The following GALNTL6 variants were observed in gnomAD, a reference collection of about 807,000 sequenced individuals.
GALNTL6 encodes the protein polypeptide N-acetylgalactosaminyltransferase-like 6.
In GALNTL6, 46 loss-of-function variants were observed where a neutral mutation model predicts 73.7. That is an observed-to-expected ratio of 0.62 (90% CI 0.49 to 0.80). GALNTL6 has a LOEUF of 0.80. Ranked by LOEUF, GALNTL6 falls within the 30% of genes least tolerant of loss-of-function variation. GALNTL6 has a pLI of 0.00. For synonymous variants in GALNTL6, 259 were observed against 263.7 expected, an observed-to-expected ratio of 0.98 and a Z score of 0.17; for missense variants, 604 against 755.0, an observed-to-expected ratio of 0.80 and a Z score of 2.34.
intron 5 of GALNTL6, among the ~76,000 whole-genome samples, chr4:172,491,601 T>C (rs1429230917): frequency 6.6e-6 from 1 of 152,120 alleles, no homozygotes; most frequent in Non-Finnish European, 1.5e-5. Context: ...ATGGTTGCTC[T>C]CTAGACAAAA....
chr4:172,104,051 C>T (rs1403581834), intron 2 of GALNTL6, among the ~76,000 whole-genome samples: 2 of 151,620 alleles, frequency 1.3e-5, no homozygotes, highest in Admixed American at 6.6e-5. Context: ...TCACGCCATT[C>T]TCCTGCCTCA....
At chr4:172,287,542 C>G (rs1196802289) in intron 3 of GALNTL6, among the ~76,000 whole-genome samples, 2 of 152,074 alleles carry the variant, frequency 1.3e-5, no homozygotes, top group African/African-American at 2.4e-5. Flanking sequence ...GTCTTATTAC[C>G]TAGAAATAAC....
intron 2 of GALNTL6, among the ~76,000 whole-genome samples, chr4:172,226,116 A>G (rs1385837095): frequency 6.6e-6 from 1 of 152,192 alleles, no homozygotes; most frequent in Non-Finnish European, 1.5e-5. Flanking sequence ...GTAACCAGCA[A>G]TCCTCTTACC....
At chr4:172,325,329 G>A (rs1406784842) in intron 4 of GALNTL6, among the ~76,000 whole-genome samples, 1 of 151,900 alleles carries the variant, frequency 6.6e-6, no homozygotes, top group African/African-American at 2.4e-5. Context: ...CATTAAATTT[G>A]TAATTAAAAG....
chr4:172,005,643 T>C lies in GALNTL6; in HGVS notation c.138+190925T>C, dbSNP rs1023516133. Among the ~76,000 whole-genome samples the C allele has an allele frequency of 2.0e-5, 3 of 152,170 alleles. No individual in the cohort carries two copies. The South Asian group carries it at 6.2e-4, about 31-fold the overall frequency. ...ATATATTTACACACACCTATACCTA[T>C]GCAATAATATCTTAAAATTCTAAAA... On this transcript the variant is annotated intron_variant, in intron 2 of 12. Transcript: ENST00000506823.
intron 5 of GALNTL6, among the ~76,000 whole-genome samples, chr4:172,622,961 T>C (rs1172907768): frequency 6.6e-6 from 1 of 152,022 alleles, no homozygotes; most frequent in Non-Finnish European, 1.5e-5. Flanking sequence ...AGAGAGAAAA[T>C]GTAATAATCC....
intron 2 of GALNTL6, among the ~76,000 whole-genome samples, chr4:171,849,453 T>C (rs1182945401): frequency 6.6e-6 from 1 of 152,238 alleles, no homozygotes; most frequent in Non-Finnish European, 1.5e-5. Context: ...TTTCTTCTTT[T>C]TTCATGGACA....
chr4:172,060,159 A>G (rs894726630), intron 2 of GALNTL6, among the ~76,000 whole-genome samples: 1 of 152,224 alleles, frequency 6.6e-6, no homozygotes, highest in African/African-American at 2.4e-5. Context: ...AATTAATACC[A>G]TCTTAACCTG....
intron 2 of GALNTL6, among the ~76,000 whole-genome samples, chr4:171,844,228 G>C (rs1735312699): frequency 6.6e-6 from 1 of 152,076 alleles, no homozygotes; most frequent in Non-Finnish European, 1.5e-5. Flanking sequence ...CCTTGATTTG[G>C]AGGATGAAAC....
intron 2 of GALNTL6, among the ~76,000 whole-genome samples, chr4:172,098,094 C>A (rs1462882771): frequency 1.3e-5 from 2 of 151,890 alleles, no homozygotes; most frequent in Admixed American, 6.6e-5. Context: ...TATTAGAAAG[C>A]AAAACTATAA....
chr4:172,799,982 T>G (rs1169626138), intron 5 of GALNTL6, among the ~76,000 whole-genome samples: 2 of 152,160 alleles, frequency 1.3e-5, no homozygotes, highest in African/African-American at 4.8e-5. Context: ...GGATGAACCT[T>G]GAGGACATTG....
At chr4:171,879,827 A>C (rs1736387979) in intron 2 of GALNTL6, among the ~76,000 whole-genome samples, 1 of 152,226 alleles carries the variant, frequency 6.6e-6, no homozygotes, top group South Asian at 2.1e-4. Flanking sequence ...GCAGCCTAGA[A>C]GACAACAAAG....
At chr4:172,659,797 A>T (rs1731275077) in intron 5 of GALNTL6, among the ~76,000 whole-genome samples, 1 of 152,190 alleles carries the variant, frequency 6.6e-6, no homozygotes, top group African/African-American at 2.4e-5. Context: ...GAAAGGCCTT[A>T]GTAGCAGAGC....
chr4:172,447,436 T>A (rs530569495), intron 5 of GALNTL6, among the ~76,000 whole-genome samples: 106 of 152,296 alleles, frequency 7.0e-4, no homozygotes, highest in African/African-American at 2.4e-3. Context: ...GCATTTGGCA[T>A]CGGTTGTAGG....
At chr4:172,334,091 G>A (rs572593740) in intron 4 of GALNTL6, among the ~76,000 whole-genome samples, 40 of 152,114 alleles carry the variant, frequency 2.6e-4, no homozygotes, top group Non-Finnish European at 4.3e-4. Flanking sequence ...TATGGGTTAC[G>A]ATACCTTGGT....
At chr4:172,861,722 G>A (rs1289013994) in intron 7 of GALNTL6, among the ~76,000 whole-genome samples, 3 of 152,320 alleles carry the variant, frequency 2.0e-5, no homozygotes, top group East Asian at 1.9e-4. Flanking sequence ...TCTCATGATA[G>A]TGAATAAGTC....
rs1741146619 is a variant in GALNTL6, at chr4:172,809,239, G to A, written c.554-122G>A. 4 of 726,438 alleles carry A rather than the reference G, an allele frequency of 5.5e-6. No homozygotes were observed. The highest frequency in any genetic ancestry group is 9.3e-6 in the Non-Finnish European group (4 of 429,690). 45.0% of individuals were successfully genotyped at this position (726,438 alleles called of 1,614,324 possible). A position where few individuals can be genotyped will look rare whatever the true frequency, so the allele number is the denominator to read the frequency against. On this transcript the variant is annotated intron_variant, in intron 5 of 12. Coordinates refer to ENST00000506823, the MANE Select transcript of GALNTL6 (RefSeq NM_001034845.3). The surrounding 1 kb of genome is among the most constrained non-coding windows in gnomAD (Gnocchi z 4.4). ...TACTAGTATCTCCCATCTAGATGAG[G>A]AGACAAGAATGTTACCCCAGGATTC...
intron 2 of GALNTL6, among the ~76,000 whole-genome samples, chr4:172,186,571 T>G (rs1263036052): frequency 6.6e-6 from 1 of 152,148 alleles, no homozygotes; most frequent in Non-Finnish European, 1.5e-5. Flanking sequence ...TGGTATATTA[T>G]TCAACCATAG....
intron 2 of GALNTL6, among the ~76,000 whole-genome samples, chr4:171,883,300 C>T (rs866168300): frequency 6.6e-6 from 1 of 151,910 alleles, no homozygotes; most frequent in Admixed American, 6.6e-5. Context: ...TGCAGTGAGC[C>T]GAGATCCTGC....
Sources: gnomAD v4.1 joint callset for allele counts (sites outside exome capture counted in the v4.1 genomes callset) on GRCh38, gnomAD v4.1.1 for gene constraint, Gnocchi (gnomAD v3.1) non-coding constraint, MANE v1.5 for transcripts, NCBI Gene and HGNC (gene_info 2026-07-23, HGNC 2026-07-21) for gene names.